The following BACH2 variants were observed in gnomAD, a reference collection of about 807,000 sequenced individuals.
BACH2 encodes the protein BACH transcriptional regulator 2.
BACH2 carries 5 observed loss-of-function variants against 61.8 expected under a neutral mutation model. The observed-to-expected ratio is 0.08, with a 90% CI of 0.04 to 0.17. The LOEUF is 0.17. Ranked by LOEUF, BACH2 falls within the 10% of genes least tolerant of loss-of-function variation. The pLI, the probability that BACH2 is intolerant of heterozygous loss-of-function variation, is 1.00. For synonymous variants in BACH2, 446 were observed against 440.1 expected (o/e 1.01, Z -0.17); for missense variants, 824 against 1,091.1 (o/e 0.76, Z 3.45).
intron 5 of BACH2, among the ~76,000 whole-genome samples, chr6:90,028,708 AGAT>A (rs1342824949): frequency 6.6e-5 from 10 of 152,176 alleles, no homozygotes; most frequent in Admixed American, 2.6e-4. Context: ...AGCACCCATT[AGAT>A]ACTGCATACA....
At chr6:90,295,064 T>TG (rs1186869242) in intron 1 of BACH2, among the ~76,000 whole-genome samples, 2 of 151,926 alleles carry the variant, frequency 1.3e-5, no homozygotes, top group African/African-American at 4.8e-5. Flanking sequence ...ACAGCGAAGG[T>TG]GAAAACCAGG....
chr6:89,984,401 T>G (rs1358508667), intron 6 of BACH2, among the ~76,000 whole-genome samples: 1 of 152,056 alleles, frequency 6.6e-6, no homozygotes, highest in Non-Finnish European at 1.5e-5. Flanking sequence ...TAAGCTAGAA[T>G]GTCATTCTCT....
chr6:90,102,367 C>G (rs1782671737), intron 4 of BACH2, among the ~76,000 whole-genome samples: 1 of 152,140 alleles, frequency 6.6e-6, no homozygotes, highest in African/African-American at 2.4e-5. Context: ...TCCCTAAAGT[C>G]TGTTTAAAGG....
intron 2 of BACH2, among the ~76,000 whole-genome samples, chr6:90,253,186 G>A (rs1479690483): frequency 6.6e-6 from 1 of 152,124 alleles, no homozygotes; most frequent in South Asian, 2.1e-4. Flanking sequence ...GAAGGGTGCA[G>A]TGAGCCAAGA....
intron 5 of BACH2, among the ~76,000 whole-genome samples, chr6:90,087,395 A>T (rs1311628309): frequency 6.6e-6 from 1 of 152,196 alleles, no homozygotes; most frequent in African/African-American, 2.4e-5. Context: ...GACTCAATGA[A>T]ACAAAAGAAA....
At chr6:90,114,296 C>A (rs1783301330) in intron 4 of BACH2, among the ~76,000 whole-genome samples, 1 of 152,142 alleles carries the variant, frequency 6.6e-6, no homozygotes, top group African/African-American at 2.4e-5. Context: ...AATCCAGCAG[C>A]ACATCAAAAA....
chr6:90,014,037 G>T (rs1481579617), intron 5 of BACH2, among the ~76,000 whole-genome samples: 1 of 151,994 alleles, frequency 6.6e-6, no homozygotes, highest in Non-Finnish European at 1.5e-5. Context: ...TCGTACCTTG[G>T]TCTCTCAAAG....
intron 3 of BACH2, among the ~76,000 whole-genome samples, chr6:90,228,884 C>A (rs1040764337): frequency 1.3e-5 from 2 of 152,170 alleles, no homozygotes; most frequent in South Asian, 4.1e-4. Context: ...ATAAGAACAA[C>A]CTTTGGGGAG....
chr6:90,204,530 C>A (rs1769073380), intron 4 of BACH2, among the ~76,000 whole-genome samples: 1 of 152,104 alleles, frequency 6.6e-6, no homozygotes, highest in African/African-American at 2.4e-5. Flanking sequence ...TCAGGCAGAA[C>A]ATAATATCCC....
At chr6:90,058,101 T>C (rs1279141176) in intron 5 of BACH2, among the ~76,000 whole-genome samples, 2 of 152,128 alleles carry the variant, frequency 1.3e-5, no homozygotes, top group African/African-American at 2.4e-5. Context: ...CTATTCAACA[T>C]AGTGTTGGAA....
intron 4 of BACH2, among the ~76,000 whole-genome samples, chr6:90,093,701 C>G (rs1228272980): frequency 1.3e-5 from 2 of 152,106 alleles, no homozygotes; most frequent in Non-Finnish European, 2.9e-5. Flanking sequence ...TATAGTCCTT[C>G]AATAGGTATT....
chr6:89,978,633 T>TAAAAA (rs753724278), intron 6 of BACH2, among the ~76,000 whole-genome samples: 7 of 86,046 alleles, frequency 8.1e-5, no homozygotes, highest in Admixed American at 2.9e-4. Context: ...GTGTTGGCTT[T>TAAAAA]AAAAAAAAAA....
chr6:90,135,179 C>T (rs1279470167), intron 4 of BACH2, among the ~76,000 whole-genome samples: 1 of 152,184 alleles, frequency 6.6e-6, no homozygotes, highest in Non-Finnish European at 1.5e-5. Flanking sequence ...TCACATCCTA[C>T]AAACATTTTC....
intron 5 of BACH2, among the ~76,000 whole-genome samples, chr6:90,030,908 G>C (rs1176450354): frequency 6.8e-6 from 1 of 148,066 alleles, no homozygotes; most frequent in Non-Finnish European, 1.5e-5. Flanking sequence ...CAAAAAAAGA[G>C]AATTTTAGAC....
chr6:90,023,148 A>C (rs1399328364), intron 5 of BACH2, among the ~76,000 whole-genome samples: 1 of 152,212 alleles, frequency 6.6e-6, no homozygotes, highest in Non-Finnish European at 1.5e-5. Flanking sequence ...ATGTATGTCA[A>C]ATTCAAAAAT....
At chr6:89,944,819 T>C (rs1202807317) in intron 7 of BACH2, among the ~76,000 whole-genome samples, 3 of 152,194 alleles carry the variant, frequency 2.0e-5, no homozygotes, top group Admixed American at 1.3e-4. Context: ...AGAAACTCTC[T>C]GTGGTGCTTC....
At chr6:90,254,751 C>T (rs1770922610) in intron 2 of BACH2, among the ~76,000 whole-genome samples, 1 of 152,062 alleles carries the variant, frequency 6.6e-6, no homozygotes, top group Admixed American at 6.5e-5. Context: ...AGAAAAGTAA[C>T]AACTTGATAT....
chr6:90,002,811 C>A (rs547893624), intron 6 of BACH2, among the ~76,000 whole-genome samples: 2 of 152,170 alleles, frequency 1.3e-5, no homozygotes, highest in Non-Finnish European at 1.5e-5. Flanking sequence ...CAATTCTACC[C>A]GAGTCCCCAA....
intron 5 of BACH2, among the ~76,000 whole-genome samples, chr6:90,040,419 C>T (rs956167862): frequency 8.5e-5 from 13 of 152,208 alleles, no homozygotes; most frequent in African/African-American, 2.9e-4. Flanking sequence ...TAAGGTGCCA[C>T]TGACTTGCCC....
Sources: gnomAD v4.1 joint callset for allele counts (sites outside exome capture counted in the v4.1 genomes callset) on GRCh38, gnomAD v4.1.1 for gene constraint, MANE v1.5 for transcripts, NCBI Gene and HGNC (gene_info 2026-07-23, HGNC 2026-07-21) for gene names.